The following FBXL7 variants were observed in gnomAD, a reference collection of about 807,000 sequenced individuals.
The protein encoded by FBXL7 is F-box/LRR-repeat protein 7.
A neutral mutation model predicts 38.3 loss-of-function variants in FBXL7; 12 were observed. The observed-to-expected ratio is 0.31, with a 90% CI of 0.20 to 0.51. The LOEUF (loss-of-function observed/expected upper bound fraction) is 0.51, where lower values mean the gene tolerates loss of function less well. Ranked by LOEUF, FBXL7 falls within the 20% of genes least tolerant of loss-of-function variation. The probability of loss-of-function intolerance (pLI) is 0.98; values close to 1 mark genes in which losing one functional copy is unlikely to be tolerated. For missense variants in FBXL7, 567 were observed against 676.4 expected, an observed-to-expected ratio of 0.84 and a Z score of 1.79; for synonymous variants, 297 against 300.9, an observed-to-expected ratio of 0.99 and a Z score of 0.13.
intron 2 of FBXL7, among the ~76,000 whole-genome samples, chr5:15,858,734 G>T (rs1236377306): frequency 2.0e-5 from 3 of 151,988 alleles, no homozygotes; most frequent in Non-Finnish European, 4.4e-5. Flanking sequence ...AAATTATTTT[G>T]ATTTTTTGAG....
At chr5:15,877,057 G>A (rs1211026877) in intron 2 of FBXL7, among the ~76,000 whole-genome samples, 4 of 152,116 alleles carry the variant, frequency 2.6e-5, no homozygotes, top group African/African-American at 9.7e-5. Flanking sequence ...ATTCAGAAAG[G>A]TCAGCTGGCT....
chr5:15,692,174 T>C (rs1743203684), intron 2 of FBXL7, among the ~76,000 whole-genome samples: 1 of 152,180 alleles, frequency 6.6e-6, no homozygotes, highest in Non-Finnish European at 1.5e-5. Flanking sequence ...TCCTACCAGC[T>C]GTTGAATCCC....
chr5:15,936,389 C>A lies in FBXL7; in HGVS notation c.740-61C>A. The A allele has an allele frequency of 6.4e-7, 1 of 1,561,102 alleles. No individual in the cohort carries two copies. Among genetic ancestry groups the A allele is most frequent in the East Asian group, 2.3e-5 (1 of 44,236 alleles). ...AGGGTCAGGAATGCCCCAGGGCATC[C>A]CCAGGCGTGGCTCCCCTGCTGGCAG... On this transcript the variant is annotated intron_variant, in intron 3 of 3. Transcript: ENST00000504595. The surrounding 1 kb of genome is among the most constrained non-coding windows in gnomAD (Gnocchi z 6.0).
At position 15,928,218 on chromosome 5, in the gene FBXL7, G is replaced by A. The variant is rs1741942451; in HGVS notation, c.456G>A (p.Arg152=). ...RRWYNLAWDP[R]LWRTIRLTGE... ...GGTACAACCTGGCCTGGGACCCGCGGCTCTGGAGGACTATCCGCCTGACGG... is the reference window on the plus strand; with the variant it reads ...GGTACAACCTGGCCTGGGACCCGCGACTCTGGAGGACTATCCGCCTGACGG... The change falls in exon 3 of 4, where the codon CGG becomes CGA. Residue 152 remains arginine (R), a synonymous_variant. Coordinates refer to ENST00000504595, the MANE Select transcript of FBXL7 (RefSeq NM_012304.5). This position sits in a 1 kb window ranked among gnomAD's most constrained non-coding sequence, Gnocchi z 4.0. 6.2e-7 allele frequency: 1 copy of A among 1,610,412 alleles called. No individual in the cohort carries two copies. The highest frequency in any genetic ancestry group is 1.1e-5 in the South Asian group (1 of 90,494).
chr5:15,588,103 A>C (rs1313236954), intron 1 of FBXL7, among the ~76,000 whole-genome samples: 1 of 152,188 alleles, frequency 6.6e-6, no homozygotes, highest in Non-Finnish European at 1.5e-5. Flanking sequence ...CACTGAGGTA[A>C]AACTAGACTT....
At chr5:15,577,754 G>A (rs1380449805) in intron 1 of FBXL7, among the ~76,000 whole-genome samples, 1 of 151,972 alleles carries the variant, frequency 6.6e-6, no homozygotes, top group Admixed American at 6.6e-5. Flanking sequence ...TGCAAATGTA[G>A]TCCATTGTAT....
intron 2 of FBXL7, among the ~76,000 whole-genome samples, chr5:15,793,188 C>T (rs1381130763): frequency 2.6e-5 from 4 of 152,156 alleles, no homozygotes; most frequent in Admixed American, 2.6e-4. Context: ...GTGTCTTCCT[C>T]TCCTAGGGCC....
intron 3 of FBXL7, among the ~76,000 whole-genome samples, chr5:15,932,141 C>T (rs1281504896): frequency 6.6e-6 from 1 of 152,168 alleles, no homozygotes; most frequent in Non-Finnish European, 1.5e-5. Context: ...TTGGTTAATA[C>T]TCTAAGCAAG....
At chr5:15,701,610 A>C (rs1240310870) in intron 2 of FBXL7, among the ~76,000 whole-genome samples, 1 of 152,208 alleles carries the variant, frequency 6.6e-6, no homozygotes, top group African/African-American at 2.4e-5. Context: ...AATTGAGGAG[A>C]TAGACATATA....
intron 1 of FBXL7, among the ~76,000 whole-genome samples, chr5:15,597,495 TAAAAAAAAAA>T (rs35742221): frequency 5.2e-5 from 6 of 114,896 alleles, no homozygotes; most frequent in African/African-American, 2.0e-4. Context: ...TATCATTTTG[TAAAAAAAAAA>T]AAAAAAAAAA....
At chr5:15,504,689 G>T (rs1028622553) in intron 1 of FBXL7, among the ~76,000 whole-genome samples, 1 of 152,098 alleles carries the variant, frequency 6.6e-6, no homozygotes, top group East Asian at 1.9e-4. Flanking sequence ...TTTTGTGTGT[G>T]TATATCTCTT....
intron 2 of FBXL7, among the ~76,000 whole-genome samples, chr5:15,712,058 T>C (rs1743891827): frequency 6.6e-6 from 1 of 152,156 alleles, no homozygotes. Flanking sequence ...TCACAGCATA[T>C]GCAGTCACCC....
chr5:15,749,431 T>C (rs945550621), intron 2 of FBXL7, among the ~76,000 whole-genome samples: 5 of 151,832 alleles, frequency 3.3e-5, no homozygotes, highest in Admixed American at 2.6e-4. Flanking sequence ...TCGAGACAAT[T>C]CTGGCTAACA....
At chr5:15,798,069 C>T (rs1319850871) in intron 2 of FBXL7, among the ~76,000 whole-genome samples, 1 of 152,150 alleles carries the variant, frequency 6.6e-6, no homozygotes, top group Non-Finnish European at 1.5e-5. Context: ...GGAGGAATAA[C>T]ACAAAATGGC....
intron 2 of FBXL7, among the ~76,000 whole-genome samples, chr5:15,717,203 A>G (rs999622870): frequency 3.1e-4 from 47 of 152,204 alleles, no homozygotes; most frequent in Admixed American, 1.3e-4. Flanking sequence ...GCCAGGCCTC[A>G]GTGAGTCATA....
At chr5:15,759,729 A>C (rs2126696690) in intron 2 of FBXL7, among the ~76,000 whole-genome samples, 1 of 152,300 alleles carries the variant, frequency 6.6e-6, no homozygotes, top group South Asian at 2.1e-4. Flanking sequence ...TTTTGTTCAG[A>C]AAATGTTTAT....
intron 2 of FBXL7, among the ~76,000 whole-genome samples, chr5:15,747,315 A>G (rs757063060): frequency 3.9e-5 from 6 of 152,176 alleles, no homozygotes; most frequent in Non-Finnish European, 5.9e-5. Context: ...GGCTCTACCA[A>G]TCTTAAGCTT....
At chr5:15,695,800 T>A (rs553761930) in intron 2 of FBXL7, among the ~76,000 whole-genome samples, 1 of 152,290 alleles carries the variant, frequency 6.6e-6, no homozygotes, top group East Asian at 1.9e-4. Context: ...AACCCTGGCC[T>A]GTCTGAATCC....
intron 1 of FBXL7, among the ~76,000 whole-genome samples, chr5:15,532,062 AC>A (rs1425799898): frequency 6.6e-6 from 1 of 152,240 alleles, no homozygotes; most frequent in African/African-American, 2.4e-5. Context: ...AAATGTTAAC[AC>A]CATGCTTGGT....
Sources: allele counts gnomAD v4.1 joint callset (sites outside exome capture counted in the v4.1 genomes callset), GRCh38; gene constraint gnomAD v4.1.1; non-coding constraint Gnocchi (gnomAD v3.1); transcripts MANE v1.5; gene names NCBI Gene and HGNC (gene_info 2026-07-23, HGNC 2026-07-21).